Variants in KIAA0930 observed in about 807,000 individuals in gnomAD.
The protein encoded by KIAA0930 is uncharacterized protein KIAA0930.
A neutral mutation model predicts 43.9 loss-of-function variants in KIAA0930; 24 were observed. The ratio of observed to expected loss-of-function variants is 0.55; its 90% confidence interval spans 0.40 to 0.77. The LOEUF (loss-of-function observed/expected upper bound fraction) is 0.77, where lower values mean the gene tolerates loss of function less well. Ranked by LOEUF, KIAA0930 falls within the 30% of genes least tolerant of loss-of-function variation. The pLI, the probability that KIAA0930 is intolerant of heterozygous loss-of-function variation, is 0.00. For synonymous variants in KIAA0930, 259 were observed against 216.4 expected, an observed-to-expected ratio of 1.20 and a Z score of -1.73; for missense variants, 461 against 574.2, an observed-to-expected ratio of 0.80 and a Z score of 2.02.
chr22:45,212,584 C>T (rs897901048), intron 1 of KIAA0930: 65 of 1,375,864 alleles, frequency 4.7e-5, no homozygotes, highest in Middle Eastern at 2.7e-4. Flanking sequence ...AAGGGACAGC[C>T]GCCCTCCAGC....
intron 1 of KIAA0930, among the ~76,000 whole-genome samples, chr22:45,235,800 G>A (rs2083885021): frequency 6.6e-6 from 1 of 152,234 alleles, no homozygotes; most frequent in Admixed American, 6.5e-5. Flanking sequence ...CCAGTCTACA[G>A]ATGAGGACAC....
chr22:45,203,297 C>T (rs188351847), intron 6 of KIAA0930, 113 bp from the exon 7 acceptor site: 32 of 1,070,834 alleles, frequency 3.0e-5, no homozygotes, highest in Non-Finnish European at 3.5e-5. Context: ...GGGGGCTGCC[C>T]GGGAGGGAGC....
At position 45,218,333 on chromosome 22, in the gene KIAA0930, A is replaced by ATTTTTTTTTTTT. The variant is rs752298111; in HGVS notation, c.65-6238_65-6227dup. Among the ~76,000 whole-genome samples, 44 of 51,702 alleles carry ATTTTTTTTTTTT rather than the reference A, an allele frequency of 8.5e-4. 2 individuals carry two copies. The highest frequency in any genetic ancestry group is 8.8e-4 in the Admixed American group (3 of 3,420). 33.9% of individuals were successfully genotyped at this position (51,702 alleles called of 152,430 possible). A position where few individuals can be genotyped will look rare whatever the true frequency, so the allele number is the denominator to read the frequency against. On this transcript the variant is annotated intron_variant, in intron 1 of 9. Coordinates refer to ENST00000336156, the MANE Select transcript of KIAA0930 (RefSeq NM_001009880.2). Reference sequence around the variant, plus strand: ...CCATCACACCCAGCTAATTTTTTTGATTTTTTTTTTTTTTTTTTTTTTTTT... The same window carrying ATTTTTTTTTTTT: ...CCATCACACCCAGCTAATTTTTTTGATTTTTTTTTTTTTTTTTTTTTTTTTTTTTTTTTTTTT...
intron 1 of KIAA0930, chr22:45,226,224 A>C (rs2083799441): frequency 6.4e-6 from 3 of 470,720 alleles, no homozygotes; most frequent in Admixed American, 2.4e-5. Context: ...AAATCCTCGA[A>C]GTGCTTTCAC....
chr22:45,238,879 T>G (rs2083901887), intron 1 of KIAA0930, among the ~76,000 whole-genome samples: 1 of 148,772 alleles, frequency 6.7e-6, no homozygotes, highest in Non-Finnish European at 1.5e-5. Flanking sequence ...GGGCAGGCTC[T>G]CTCTCTCTCT....
At chr22:45,216,567 G>C (rs554515961) in intron 1 of KIAA0930, among the ~76,000 whole-genome samples, 3 of 152,284 alleles carry the variant, frequency 2.0e-5, no homozygotes, top group African/African-American at 7.2e-5. Context: ...GGCACAGCTG[G>C]CCTGTGAAGT....
intron 1 of KIAA0930, among the ~76,000 whole-genome samples, chr22:45,225,281 C>T (rs944894500): frequency 6.6e-6 from 1 of 152,176 alleles, no homozygotes. Flanking sequence ...AAGGCACTGT[C>T]CAGGGAGGCC....
At chr22:45,229,074 CTCTCCA>C (rs2147763222) in intron 1 of KIAA0930, among the ~76,000 whole-genome samples, 1 of 87,912 alleles carries the variant, frequency 1.1e-5, no homozygotes, top group African/African-American at 5.7e-5. Context: ...CGAAAGATCC[CTCTCCA>C]CCCCCCAACC....
At chr22:45,206,309 G>A (rs1420660293) in intron 2 of KIAA0930, among the ~76,000 whole-genome samples, 1 of 152,126 alleles carries the variant, frequency 6.6e-6, no homozygotes, top group East Asian at 1.9e-4. Flanking sequence ...GAGCCACCAT[G>A]CCCGGCCAGA....
intron 1 of KIAA0930, among the ~76,000 whole-genome samples, chr22:45,239,000 G>A (rs1028911744): frequency 1.3e-5 from 2 of 152,130 alleles, no homozygotes; most frequent in African/African-American, 2.4e-5. Flanking sequence ...TAAAGCACCC[G>A]GCACATAGTA....
At chr22:45,238,790 G>T (rs1601830395) in intron 1 of KIAA0930, among the ~76,000 whole-genome samples, 1 of 152,114 alleles carries the variant, frequency 6.6e-6, no homozygotes, top group African/African-American at 2.4e-5. Flanking sequence ...TCAGGGAGTG[G>T]AGGGCAGGCT....
intron 7 of KIAA0930, chr22:45,202,763 A>G (rs1601809809): frequency 6.3e-6 from 3 of 478,574 alleles, no homozygotes; most frequent in Non-Finnish European, 1.1e-5. Context: ...ACAGCCCTCC[A>G]GGTCTGCAAG....
intron 1 of KIAA0930, among the ~76,000 whole-genome samples, chr22:45,234,691 TA>T (rs1345226132): frequency 6.6e-6 from 1 of 152,216 alleles, no homozygotes; most frequent in Non-Finnish European, 1.5e-5. Context: ...AAGTTATTTC[TA>T]ACAGTGAAAA....
At chr22:45,201,145 C>T (rs1037439454) in intron 7 of KIAA0930, 7 of 432,820 alleles carry the variant, frequency 1.6e-5, no homozygotes. Context: ...AGACGGTGTT[C>T]CCACAAGCCG....
At position 45,199,952 on chromosome 22, in the gene KIAA0930, G is replaced by A. The variant is rs12170881; in HGVS notation, c.936C>T (p.Pro312=). The change falls in exon 8 of 10, where the codon CCC becomes CCT. Residue 312 remains proline, a synonymous_variant. Transcript: ENST00000336156. The part of the protein sequence containing the change: ...FFSPSLKRKV[P]RNRIAEMKKS... ...TCTTCATCTCAGCGATCCGGTTCCG[G>A]GGCACCTTCCTCTTGAGGGATGGGG... 5 of 1,610,144 alleles carry A rather than the reference G, an allele frequency of 3.1e-6. No homozygotes were observed. In the South Asian group the frequency reaches 4.4e-5, roughly 14 times the overall value.
chr22:45,204,007 C>A (rs1168713463), intron 5 of KIAA0930, 22 bp from the exon 6 acceptor site: 2 of 1,612,896 alleles, frequency 1.2e-6, no homozygotes, highest in Non-Finnish European at 8.5e-7. Context: ...CACAAAGAGA[C>A]AGGGACGTGA....
At chr22:45,209,199 G>A (rs548916293) in intron 2 of KIAA0930, among the ~76,000 whole-genome samples, 4 of 152,338 alleles carry the variant, frequency 2.6e-5, no homozygotes, top group South Asian at 4.1e-4. Context: ...TATGGCAACC[G>A]GGTACCAGCG....
chr22:45,203,827 A>G lies in KIAA0930; in HGVS notation c.657+18T>C, dbSNP rs763040298. On this transcript the variant is annotated intron_variant, in intron 6 of 9. Coordinates refer to ENST00000336156, the MANE Select transcript of KIAA0930 (RefSeq NM_001009880.2). ...CCCCGGGCCCAGAAGAACACCCGTG[A>G]GGCCGCCCCGCACTCACCCGGTTGT... 8 of 1,612,646 alleles carry G rather than the reference A, an allele frequency of 5.0e-6. No individual in the cohort carries two copies. The highest frequency in any genetic ancestry group is 4.4e-5 in the South Asian group (4 of 90,898).
At chr22:45,208,333 T>G (rs62231105) in intron 2 of KIAA0930, among the ~76,000 whole-genome samples, 8,428 of 100,170 alleles carry the variant, frequency 0.084, 207 homozygotes, top group Non-Finnish European at 0.11. Flanking sequence ...TCCACACACA[T>G]GAGCTGTGAG....
Sources: gnomAD v4.1 joint callset for allele counts (sites outside exome capture counted in the v4.1 genomes callset) on GRCh38, gnomAD v4.1.1 for gene constraint, MANE v1.5 for transcripts, NCBI Gene and HGNC (gene_info 2026-07-23, HGNC 2026-07-21) for gene names.